The following DDX42 variants were observed in gnomAD, a reference collection of about 807,000 sequenced individuals.
DDX42 encodes the protein DEAD-box helicase 42, also known as ATP-dependent RNA helicase DDX42.
DDX42 carries 22 observed loss-of-function variants against 101.5 expected under a neutral mutation model. That is an observed-to-expected ratio of 0.22 (90% confidence interval 0.15 to 0.31). The LOEUF (loss-of-function observed/expected upper bound fraction) is 0.31. Ranked by LOEUF, DDX42 falls within the 10% of genes least tolerant of loss-of-function variation. The probability of loss-of-function intolerance (pLI) is 1.00; values close to 1 mark genes in which losing one functional copy is unlikely to be tolerated. For synonymous variants in DDX42, 402 were observed against 401.2 expected (o/e 1.00, Z -0.02); for missense variants, 849 against 1,199.9 (o/e 0.71, Z 4.32).
At position 63,774,234 on chromosome 17, in the gene DDX42, T is replaced by TGGTGGTGGTGGCGGCGGCGGC. The variant is rs1555717966; in HGVS notation, c.-156_-136dup. On this transcript the variant is annotated 5_prime_UTR_variant, in exon 1 of 18. Transcript: ENST00000389924. The stretch of plus-strand genomic sequence containing the variant: ...GCGGTGGTGGCGGTGGCGGCGGCGG[T>TGGTGGTGGTGGCGGCGGCGGC]GGTGGTGGTGGCGGCGGCGGCGGCG... The TGGTGGTGGTGGCGGCGGCGGC allele has an allele frequency of 3.2e-5, 8 of 253,194 alleles. 1 individual carries two copies. Among genetic ancestry groups the TGGTGGTGGTGGCGGCGGCGGC allele is most frequent in the Admixed American group, 1.3e-4 (2 of 15,538 alleles). 15.7% of individuals were successfully genotyped at this position (253,194 alleles called of 1,614,324 possible).
At chr17:63,777,516 T>G (rs1020930546) in intron 1 of DDX42, among the ~76,000 whole-genome samples, 1 of 151,314 alleles carries the variant, frequency 6.6e-6, no homozygotes, top group Non-Finnish European at 1.5e-5. Context: ...GGCGCGATCT[T>G]GGCTCACTGC....
intron 2 of DDX42, among the ~76,000 whole-genome samples, chr17:63,788,916 A>T (rs573179081): frequency 1.3e-5 from 2 of 151,236 alleles, no homozygotes; most frequent in South Asian, 4.2e-4. Context: ...TTGTTTTGAG[A>T]TAGGGTCTCA....
chr17:63,807,962 AGTGAGGT>A, intron 9 of DDX42, 62 bp downstream of exon 9: 2 of 1,511,218 alleles, frequency 1.3e-6, no homozygotes, highest in Non-Finnish European at 1.8e-6. Context: ...CAGCCAGTCA[AGTGAGGT>A]AGAATGACCA....
At chr17:63,798,677 A>T (rs2144559769) in intron 4 of DDX42, among the ~76,000 whole-genome samples, 1 of 152,364 alleles carries the variant, frequency 6.6e-6, no homozygotes, top group South Asian at 2.1e-4. Context: ...TAGCAGCCAT[A>T]GTCAGAACTT....
chr17:63,799,422 A>T, intron 4 of DDX42, 167 bp from the exon 5 acceptor site: 1 of 582,316 alleles, frequency 1.7e-6, no homozygotes, highest in Non-Finnish European at 3.0e-6. Flanking sequence ...GCAGCTACAC[A>T]TATATATAAT....
chr17:63,811,752 G>A, intron 13 of DDX42, 180 bp from the exon 14 acceptor site: 1 of 733,934 alleles, frequency 1.4e-6, no homozygotes, highest in Non-Finnish European at 2.3e-6. Context: ...ACCAGGTGGA[G>A]AGCAAGGTGA....
chr17:63,816,167 A>G (rs1196721511), intron 16 of DDX42, among the ~76,000 whole-genome samples: 2 of 152,212 alleles, frequency 1.3e-5, no homozygotes, highest in Non-Finnish European at 2.9e-5. Flanking sequence ...CAAACCAGGT[A>G]ACAAATGTAC....
Position 63,818,145 on chromosome 17 carries a change from A to G in DDX42, c.2564A>G (p.Asp855Gly), listed in dbSNP as rs1235529826. Residue 855 changes from aspartate to glycine, a missense_variant, in exon 18 of 18, where the codon GAT becomes GGT. Asp to Gly is a moderately conservative substitution (Grantham distance 94). Around this residue, in one of 5 missense-constraint regions of DDX42, gnomAD observed 300 missense variants for 304.9 expected, o/e 0.98. Transcript: ENST00000389924. The stretch of plus-strand genomic sequence containing the variant: ...CCAGAAAGCAGCAGCCGTCATACTG[A>G]TGGCCATCGGCACGGGGAGAACAGA... ...RHPESSSRHT[D>G]GHRHGENRHG... 6.2e-7 allele frequency: 1 copy of G among 1,613,950 alleles called. No homozygotes were observed. Among genetic ancestry groups the G allele is most frequent in the Non-Finnish European group, 8.5e-7 (1 of 1,180,038 alleles).
At chr17:63,805,963 A>G (rs2039834631) in intron 7 of DDX42, 2 of 152,264 alleles carry the variant, frequency 1.3e-5, no homozygotes, top group African/African-American at 2.4e-5. Flanking sequence ...GGGGGACAAA[A>G]TGGAGATTAT....
At position 63,799,601 on chromosome 17, in the gene DDX42, T is replaced by C. The variant is rs1193353543; in HGVS notation, c.447T>C (p.Asp149=). The C allele has an allele frequency of 1.2e-6, 2 of 1,612,758 alleles. No individual in the cohort carries two copies. Among genetic ancestry groups the C allele is most frequent in the African/African-American group, 1.3e-5 (1 of 74,888 alleles). ...KERKNVKGIR[D]DIEEEDDQEA... is the part of the protein sequence containing the mutation. ...CTTGTTTTTCCAGGGGTATTCGAGA[T>C]GACATTGAAGAGGAAGATGACCAAG... is the stretch of plus-strand genomic sequence containing the variant. Residue 149 remains aspartate, a synonymous_variant, in exon 5 of 18, where the codon GAT becomes GAC. Transcript: ENST00000389924.
chr17:63,809,509 C>A, intron 10 of DDX42, 51 bp from the exon 11 acceptor site: 1 of 1,475,810 alleles, frequency 6.8e-7, no homozygotes, highest in South Asian at 1.1e-5. Context: ...CTTAGAAAGT[C>A]CCTGTGAATG....
intron 2 of DDX42, among the ~76,000 whole-genome samples, chr17:63,789,100 A>T (rs1356535565): frequency 6.6e-6 from 1 of 151,378 alleles, no homozygotes; most frequent in African/African-American, 2.4e-5. Context: ...CTTTTTTGAG[A>T]TGGAGTCTCA....
intron 3 of DDX42, among the ~76,000 whole-genome samples, chr17:63,793,700 C>G (rs1323347974): frequency 6.6e-6 from 1 of 152,084 alleles, no homozygotes; most frequent in Admixed American, 6.6e-5. Context: ...AAATATCCAT[C>G]TGTTATTTGT....
Position 63,807,865 on chromosome 17 carries a change from G to T in DDX42, c.988G>T (p.Val330Leu), listed in dbSNP as rs1482987399. The T allele has an allele frequency of 1.2e-6, 2 of 1,613,964 alleles. No individual in the cohort carries two copies. Among genetic ancestry groups the T allele is most frequent in the South Asian group, 2.2e-5 (2 of 91,052 alleles). Residue 330 changes from valine to leucine, a missense_variant, in exon 9 of 18, where the codon GTG (valine) becomes TTG (leucine). Val to Leu is a conservative substitution (Grantham distance 32). Around this residue, in one of 5 missense-constraint regions of DDX42, gnomAD observed 370 missense variants for 608.8 expected, o/e 0.61. Transcript: ENST00000389924. ...ELEPGDGPIA[V>L]IVCPTRELCQ... ...GGAACCAGGTGATGGACCAATTGCA[G>T]TGATTGTGTGTCCTACCAGGGAGCT...
At chr17:63,815,769 G>C in intron 16 of DDX42, 96 bp downstream of exon 16, 1 of 775,426 alleles carries the variant, frequency 1.3e-6, no homozygotes, top group Non-Finnish European at 2.1e-6. Context: ...GCCTCAGTGA[G>C]TTTAAAGCCC....
intron 4 of DDX42, among the ~76,000 whole-genome samples, chr17:63,799,108 T>C (rs2039729463): frequency 6.6e-6 from 1 of 152,214 alleles, no homozygotes; most frequent in South Asian, 2.1e-4. Flanking sequence ...TAGTTTTCAC[T>C]CTGTCCCCAT....
At chr17:63,791,883 C>T (rs2039632378) in intron 2 of DDX42, among the ~76,000 whole-genome samples, 1 of 151,850 alleles carries the variant, frequency 6.6e-6, no homozygotes, top group Non-Finnish European at 1.5e-5. Flanking sequence ...CCTGTCTCTA[C>T]TAAAAATACA....
intron 1 of DDX42, among the ~76,000 whole-genome samples, chr17:63,781,694 C>T (rs1350354367): frequency 6.6e-6 from 1 of 151,798 alleles, no homozygotes; most frequent in African/African-American, 2.4e-5. Flanking sequence ...CTGCCCATTC[C>T]TAAATAGTGA....
At chr17:63,809,786 G>T in intron 11 of DDX42, 127 bp downstream of exon 11, 1 of 661,386 alleles carries the variant, frequency 1.5e-6, no homozygotes, top group Non-Finnish European at 2.6e-6. Context: ...TTAGACTATA[G>T]AAATATAGCT....
Sources: allele counts gnomAD v4.1 joint callset (sites outside exome capture counted in the v4.1 genomes callset), GRCh38; gene constraint gnomAD v4.1.1; regional missense constraint gnomAD v4.1.1; transcripts MANE v1.5; gene names NCBI Gene and HGNC (gene_info 2026-07-23, HGNC 2026-07-21).